The following ELAVL2 variants were observed in gnomAD, a reference collection of about 807,000 sequenced individuals.
ELAVL2 encodes ELAV-like protein 2.
In ELAVL2, 4 loss-of-function variants were observed where a neutral mutation model predicts 34.6. That is an observed-to-expected ratio of 0.12 (90% CI 0.06 to 0.26). The LOEUF (loss-of-function observed/expected upper bound fraction) is 0.26, where lower values mean the gene tolerates loss of function less well. Among genes scored for constraint, ELAVL2 ranks in the 10% least tolerant of loss-of-function variants. The pLI is 1.00. For synonymous variants in ELAVL2, 193 were observed against 154.8 expected, an observed-to-expected ratio of 1.25 and a Z score of -1.83; for missense variants, 432 against 442.8, an observed-to-expected ratio of 0.98 and a Z score of 0.22.
chr9:23,798,897 A>G (rs906851218), intron 1 of ELAVL2, among the ~76,000 whole-genome samples: 2 of 152,190 alleles, frequency 1.3e-5, no homozygotes, highest in Admixed American at 6.5e-5. Flanking sequence ...TTTTTTATAG[A>G]TAGATATAAT....
At chr9:23,771,654 A>G (rs1022231146) in intron 1 of ELAVL2, among the ~76,000 whole-genome samples, 1 of 152,194 alleles carries the variant, frequency 6.6e-6, no homozygotes. Flanking sequence ...TAAACATAGT[A>G]TATCAGAAAA....
At chr9:23,790,553 T>A (rs1044736624) in intron 1 of ELAVL2, among the ~76,000 whole-genome samples, 2 of 152,084 alleles carry the variant, frequency 1.3e-5, no homozygotes, top group African/African-American at 4.8e-5. Context: ...ACCATAAAGC[T>A]CAACGTAAAG....
chr9:23,843,200 A>T, the ELAVL2 span, among the ~76,000 whole-genome samples: 1 of 152,154 alleles, frequency 6.6e-6, no homozygotes, highest in Non-Finnish European at 1.5e-5. Flanking sequence ...TCAAACTCAC[A>T]AGTAAAATGA....
chr9:23,809,578 T>G (rs1448668406), intron 1 of ELAVL2, among the ~76,000 whole-genome samples: 2 of 152,212 alleles, frequency 1.3e-5, no homozygotes, highest in East Asian at 3.9e-4. Flanking sequence ...ATGATTTACT[T>G]ACATATGCAA....
At chr9:23,833,061 G>A in the ELAVL2 span, among the ~76,000 whole-genome samples, 6 of 151,322 alleles carry the variant, frequency 4.0e-5, no homozygotes, top group African/African-American at 7.3e-5. Context: ...AGGTGTTTGC[G>A]TTTTTTTTAT....
chr9:23,747,991 C>T (rs1046901310), intron 2 of ELAVL2, among the ~76,000 whole-genome samples: 1 of 152,132 alleles, frequency 6.6e-6, no homozygotes, highest in East Asian at 1.9e-4. Context: ...AGGCCACAAA[C>T]CACCTGCCTC....
intron 1 of ELAVL2, chr9:23,821,385 A>G (rs1024569704): frequency 3.3e-5 from 5 of 151,734 alleles, no homozygotes; most frequent in African/African-American, 1.2e-4. Context: ...GAGGCGCCCA[A>G]TTCTCTCTAC....
At chr9:23,800,269 G>A (rs1043717604) in intron 1 of ELAVL2, among the ~76,000 whole-genome samples, 2 of 152,178 alleles carry the variant, frequency 1.3e-5, no homozygotes, top group South Asian at 4.1e-4. Context: ...TGAACTGGAG[G>A]TGTAACAATC....
In ELAVL2 at chr9:23,702,951, C is replaced by CCAAAAAAA. The variant is rs2037824067; in HGVS notation, c.488-1348_488-1347insTTTTTTTG. Among the ~76,000 whole-genome samples, 4 of 47,626 alleles carry CCAAAAAAA rather than the reference C, an allele frequency of 8.4e-5. No homozygotes were observed. The East Asian group carries it at 3.5e-3, about 42-fold the overall frequency. The allele number at this position is 47,626 out of a possible 152,430, so 31.2% of individuals were successfully genotyped here. A position where few individuals can be genotyped will look rare whatever the true frequency, so the allele number is the denominator to read the frequency against. ...TTCCATTAGAAAAGCATCAGATTAG[C>CCAAAAAAA]AAAAAAAAAAAAAAAAAAAAAAAAA... On this transcript the variant is annotated intron_variant, in intron 4 of 6. Coordinates refer to ENST00000397312, the MANE Select transcript of ELAVL2 (RefSeq NM_004432.5).
chr9:23,823,236 TTAATTA>T (rs1387011368), intron 1 of ELAVL2, among the ~76,000 whole-genome samples: 1 of 152,194 alleles, frequency 6.6e-6, no homozygotes, highest in Non-Finnish European at 1.5e-5. Context: ...CAGTAAATAG[TTAATTA>T]TAATATTCTC....
At chr9:23,734,648 T>C (rs2047384031) in intron 2 of ELAVL2, among the ~76,000 whole-genome samples, 1 of 152,250 alleles carries the variant, frequency 6.6e-6, no homozygotes, top group Non-Finnish European at 1.5e-5. Context: ...GTTTGATTAC[T>C]ATCTCAAACT....
At chr9:23,832,896 C>G in the ELAVL2 span, among the ~76,000 whole-genome samples, 5 of 151,990 alleles carry the variant, frequency 3.3e-5, no homozygotes, top group Non-Finnish European at 5.9e-5. Context: ...ATTTTAGCAA[C>G]TATTAAACTA....
At chr9:23,799,436 G>A (rs984956023) in intron 1 of ELAVL2, among the ~76,000 whole-genome samples, 2 of 152,148 alleles carry the variant, frequency 1.3e-5, no homozygotes, top group African/African-American at 4.8e-5. Flanking sequence ...GAACCTAGAT[G>A]TCCCTCCATA....
chr9:23,789,399 C>G (rs2060079124), intron 1 of ELAVL2, among the ~76,000 whole-genome samples: 1 of 152,268 alleles, frequency 6.6e-6, no homozygotes, highest in East Asian at 1.9e-4. Context: ...ATGCTACATA[C>G]AAAATTACGT....
At chr9:23,704,865 C>G (rs1028270193) in intron 4 of ELAVL2, 53 bp downstream of exon 4, 11 of 1,597,514 alleles carry the variant, frequency 6.9e-6, no homozygotes, top group African/African-American at 5.4e-5. Context: ...GAATATTTCA[C>G]AATCTGCTAG....
intron 1 of ELAVL2, among the ~76,000 whole-genome samples, chr9:23,777,651 G>C (rs889389126): frequency 1.3e-5 from 2 of 152,134 alleles, no homozygotes; most frequent in African/African-American, 4.8e-5. Context: ...TCATGAGGTA[G>C]AAGCAAGAAC....
At chr9:23,710,016 G>C (rs2040504824) in intron 3 of ELAVL2, among the ~76,000 whole-genome samples, 1 of 152,118 alleles carries the variant, frequency 6.6e-6, no homozygotes, top group African/African-American at 2.4e-5. Context: ...GAAGGGGAGG[G>C]ACGGGGAGGC....
the ELAVL2 span, among the ~76,000 whole-genome samples, chr9:23,842,937 T>C: frequency 6.6e-6 from 1 of 152,092 alleles, no homozygotes; most frequent in Non-Finnish European, 1.5e-5. Flanking sequence ...GTACTTGCCA[T>C]TTTTTCCTGC....
chr9:23,811,557 C>T (rs2063003662), intron 1 of ELAVL2, among the ~76,000 whole-genome samples: 1 of 152,202 alleles, frequency 6.6e-6, no homozygotes, highest in South Asian at 2.1e-4. Flanking sequence ...TTGCTTCTTG[C>T]TCCTGCAACT....
Sources: allele counts gnomAD v4.1 joint callset (sites outside exome capture counted in the v4.1 genomes callset), GRCh38; gene constraint gnomAD v4.1.1; transcripts MANE v1.5; gene names NCBI Gene and HGNC (gene_info 2026-07-23, HGNC 2026-07-21).